AARSD1: variants seen among roughly 807,000 people sequenced by gnomAD.
AARSD1 encodes the protein alanyl-tRNA synthetase domain containing 1, also known as alanyl-tRNA editing protein Aarsd1.
A neutral mutation model predicts 48.7 loss-of-function variants in AARSD1; 44 were observed. That is an observed-to-expected ratio of 0.90 (90% CI 0.71 to 1.16). AARSD1 has a LOEUF of 1.16. Among genes scored for constraint, AARSD1 ranks in the 50% most tolerant of loss-of-function variants. AARSD1 has a pLI of 0.00. For synonymous variants in AARSD1, 189 were observed against 194.9 expected, an observed-to-expected ratio of 0.97 and a Z score of 0.25; for missense variants, 511 against 523.1, an observed-to-expected ratio of 0.98 and a Z score of 0.23.
chr17:42,963,623 C>T (rs568202), intron 2 of AARSD1, among the ~76,000 whole-genome samples: 142,073 of 151,736 alleles, frequency 0.94, 67,234 homozygotes, highest in East Asian at 1. Context: ...CTTTTTCAGT[C>T]CCTAAAACCC....
In AARSD1 at chr17:42,956,269, T is replaced by C; in HGVS notation, c.598A>G (p.Asn200Asp). ...ATGTTGGAATCAACGCCCTCGATGT[T>C]AACAACCCGAATGGGCCCAGCATGA... Reference protein sequence around the residue: ...DDHAGPIRVVNIEGVDSNMCC... With the variant: ...DDHAGPIRVVDIEGVDSNMCC... Residue 200 changes from asparagine to aspartate, a missense_variant, in exon 6 of 12, where the codon AAC becomes GAC. Transcript: ENST00000427569. The C allele has an allele frequency of 3.1e-6, 5 of 1,613,998 alleles. No individual in the cohort carries two copies. Among genetic ancestry groups the C allele is most frequent in the Non-Finnish European group, 4.2e-6 (5 of 1,180,012 alleles).
chr17:42,951,669 C>T, intron 11 of AARSD1, 131 bp downstream of exon 11: 1 of 949,058 alleles, frequency 1.1e-6, no homozygotes, highest in Non-Finnish European at 1.6e-6. Flanking sequence ...TATCTCTGCT[C>T]AGCCCACCTC....
chr17:42,957,311 A>G, intron 3 of AARSD1, 116 bp from the exon 4 acceptor site: 1 of 1,332,714 alleles, frequency 7.5e-7, no homozygotes. Context: ...AAGACCTGCT[A>G]AGCACTGGGT....
At chr17:42,951,958 C>T (rs2049485636) in intron 10 of AARSD1, 64 bp from the exon 11 acceptor site, 1 of 1,527,990 alleles carries the variant, frequency 6.5e-7, no homozygotes, top group African/African-American at 1.4e-5. Flanking sequence ...CCCCCAAATC[C>T]TGCACTCTCT....
chr17:42,962,919 G>A (rs933369180), intron 2 of AARSD1, among the ~76,000 whole-genome samples: 34 of 152,142 alleles, frequency 2.2e-4, no homozygotes, highest in African/African-American at 7.5e-4. Context: ...CACTACTGGA[G>A]AGGCTAAAAC....
chr17:42,957,576 T>A (rs1420627201), intron 3 of AARSD1: 1 of 142,176 alleles, frequency 7.0e-6, no homozygotes, highest in African/African-American at 2.6e-5. Context: ...GATCAAGCAA[T>A]TCTCGTGCCT....
chr17:42,953,302 G>A (rs940167044), intron 10 of AARSD1, among the ~76,000 whole-genome samples: 3 of 152,108 alleles, frequency 2.0e-5, no homozygotes, highest in Admixed American at 6.6e-5. Flanking sequence ...TTTTAGTAGA[G>A]ATGGGGTTTC....
chr17:42,954,072 G>A, intron 9 of AARSD1: 1 of 376,350 alleles, frequency 2.7e-6, no homozygotes, highest in South Asian at 2.8e-5. Flanking sequence ...GAAAGATACA[G>A]GCTGGACACA....
intron 10 of AARSD1, 78 bp from the exon 11 acceptor site, chr17:42,951,972 A>G: frequency 6.9e-7 from 1 of 1,452,382 alleles, no homozygotes; most frequent in East Asian, 2.3e-5. Flanking sequence ...ACTCTCTTCA[A>G]TCTTAAGAAT....
intron 4 of AARSD1, 39 bp from the exon 5 acceptor site, chr17:42,956,599 T>C: frequency 6.8e-7 from 1 of 1,460,510 alleles, no homozygotes; most frequent in Non-Finnish European, 9.1e-7. Flanking sequence ...CATATCTTAC[T>C]GAACAAGAAA....
Position 42,964,425 on chromosome 17 carries a change from G to C in AARSD1, c.16C>G (p.Gln6Glu). 1 of 1,550,946 alleles carries C rather than the reference G, an allele frequency of 6.4e-7. No homozygotes were observed. Among genetic ancestry groups the C allele is most frequent in the Non-Finnish European group, 8.7e-7 (1 of 1,147,086 alleles). ...ACCTCTCGGGCATAACTGTCACGCT[G>C]ACACCAGAACGCCATACCTGCAGGC... MAFWC[Q>E]RDSYAREFTT... Residue 6 changes from glutamine (Q) to glutamate (E), a missense_variant, in exon 1 of 12, where the codon CAG becomes GAG. Coordinates refer to ENST00000427569, the MANE Select transcript of AARSD1 (RefSeq NM_001261434.2).
intron 3 of AARSD1, among the ~76,000 whole-genome samples, chr17:42,960,280 A>G (rs894268625): frequency 6.6e-6 from 1 of 151,118 alleles, no homozygotes; most frequent in Non-Finnish European, 1.5e-5. Flanking sequence ...AAAAAAAAAG[A>G]CTGTTCTGGT....
In AARSD1 at chr17:42,962,540, A is replaced by G. The variant is rs140110036; in HGVS notation, c.172-1189T>C. Among the ~76,000 whole-genome samples the G allele has an allele frequency of 1.3e-4, 20 of 152,306 alleles. No individual in the cohort carries two copies. In the East Asian group the frequency reaches 3.9e-3, roughly 29 times the overall value. On this transcript the variant is annotated intron_variant, in intron 2 of 11. Coordinates refer to ENST00000427569, the MANE Select transcript of AARSD1 (RefSeq NM_001261434.2). The stretch of plus-strand genomic sequence containing the variant: ...GAAAGAGACCTAACAGTCTTGGGGA[A>G]TCAAAAAAAGACTTCCTGAAAGAAA...
intron 9 of AARSD1, 93 bp downstream of exon 9, chr17:42,954,783 T>C: frequency 7.2e-7 from 1 of 1,389,466 alleles, no homozygotes; most frequent in Non-Finnish European, 1.0e-6. Flanking sequence ...CAGTGAGCAA[T>C]CCACCTCCCA....
At chr17:42,955,637 T>C in intron 7 of AARSD1, 1 of 734,760 alleles carries the variant, frequency 1.4e-6, no homozygotes, top group South Asian at 1.9e-5. Context: ...GAGACGGGGT[T>C]TCACGGTGTT....
Position 42,957,156 on chromosome 17 carries a change from TTAAA to T in AARSD1, c.367_370del (p.Phe123SerfsTer2), listed in dbSNP as rs746948419. The T allele has an allele frequency of 6.2e-7, 1 of 1,613,548 alleles. No homozygotes were observed. The highest frequency in any genetic ancestry group is 2.2e-5 in the East Asian group (1 of 44,830). ...CACTCACCATGATGTTGTCTTCAGC[TTAAA>T]TAGATGGTCAGCAACTGCCGTGATG... On this transcript the variant is annotated frameshift_variant, in exon 4 of 12. Transcript: ENST00000427569. LOFTEE classifies it high-confidence loss of function.
chr17:42,960,276 A>T (rs2049616433), intron 3 of AARSD1, among the ~76,000 whole-genome samples: 1 of 151,526 alleles, frequency 6.6e-6, no homozygotes, highest in Non-Finnish European at 1.5e-5. Flanking sequence ...TCAAAAAAAA[A>T]AAGACTGTTC....
chr17:42,953,074 G>A (rs1342287906), intron 10 of AARSD1, among the ~76,000 whole-genome samples: 1 of 152,178 alleles, frequency 6.6e-6, no homozygotes, highest in African/African-American at 2.4e-5. Flanking sequence ...CTGCCTACCA[G>A]GCTCAAGAGA....
rs1236163822 is a variant in AARSD1 at position 42,964,452 on chromosome 17, T to G, written c.-12A>C. On this transcript the variant is annotated 5_prime_UTR_variant, in exon 1 of 12. Coordinates refer to ENST00000427569, the MANE Select transcript of AARSD1 (RefSeq NM_001261434.2). Reference sequence around the variant, plus strand: ...CACCAGAACGCCATACCTGCAGGCGTGTGAGGAGGCGCACGCGCAGAGAAG... The same window carrying G: ...CACCAGAACGCCATACCTGCAGGCGGGTGAGGAGGCGCACGCGCAGAGAAG... 6.4e-7 allele frequency: 1 copy of G among 1,550,468 alleles called. No individual in the cohort carries two copies. Among genetic ancestry groups the G allele is most frequent in the Admixed American group, 2.0e-5 (1 of 50,978 alleles).
Sources: allele counts gnomAD v4.1 joint callset (sites outside exome capture counted in the v4.1 genomes callset), GRCh38; gene constraint gnomAD v4.1.1; transcripts MANE v1.5; gene names NCBI Gene and HGNC (gene_info 2026-07-23, HGNC 2026-07-21).